The following RHPN2 variants were observed in gnomAD, a reference collection of about 807,000 sequenced individuals.
RHPN2 encodes the protein rhophilin-2.
RHPN2 carries 40 observed loss-of-function variants against 79.0 expected under a neutral mutation model. The ratio of observed to expected loss-of-function variants is 0.51; its 90% confidence interval spans 0.39 to 0.66. The LOEUF is 0.66. Ranked by LOEUF, RHPN2 falls within the 30% of genes least tolerant of loss-of-function variation. The pLI, the probability that RHPN2 is intolerant of heterozygous loss-of-function variation, is 0.00. For synonymous variants in RHPN2, 285 were observed against 363.5 expected (o/e 0.78, Z 2.46); for missense variants, 686 against 883.5 (o/e 0.78, Z 2.83).
chr19:33,038,154 A>T (rs1297853366), intron 2 of RHPN2, among the ~76,000 whole-genome samples: 1 of 152,092 alleles, frequency 6.6e-6, no homozygotes. Context: ...GTTTGAGAAC[A>T]GCCTGGACAA....
chr19:33,058,363 CT>C (rs1972251320), intron 1 of RHPN2, among the ~76,000 whole-genome samples: 1 of 152,206 alleles, frequency 6.6e-6, no homozygotes, highest in South Asian at 2.1e-4. Context: ...TCCATAAATC[CT>C]TTTCGGATGA....
intron 1 of RHPN2, among the ~76,000 whole-genome samples, chr19:33,044,831 T>G (rs1599832599): frequency 6.6e-6 from 1 of 152,130 alleles, no homozygotes; most frequent in Non-Finnish European, 1.5e-5. Flanking sequence ...GTGCTGAAGG[T>G]TGCAGTGAGC....
At chr19:32,985,982 A>AT (rs1434458635) in intron 14 of RHPN2, among the ~76,000 whole-genome samples, 2 of 152,236 alleles carry the variant, frequency 1.3e-5, no homozygotes, top group African/African-American at 4.8e-5. Flanking sequence ...GGTGAAAAGA[A>AT]TAAACATCAT....
intron 11 of RHPN2, among the ~76,000 whole-genome samples, chr19:32,994,417 G>A (rs561052843): frequency 2.0e-5 from 3 of 151,560 alleles, no homozygotes; most frequent in Non-Finnish European, 4.4e-5. Context: ...TGATCCTTGG[G>A]AAGGAGACAG....
chr19:33,037,281 G>C (rs182636082), intron 2 of RHPN2, among the ~76,000 whole-genome samples: 1 of 152,150 alleles, frequency 6.6e-6, no homozygotes, highest in Non-Finnish European at 1.5e-5. Flanking sequence ...AGCTCATCTG[G>C]TGGGGACATG....
At chr19:33,038,624 G>C (rs1972076662) in intron 2 of RHPN2, among the ~76,000 whole-genome samples, 1 of 151,736 alleles carries the variant, frequency 6.6e-6, no homozygotes, top group Non-Finnish European at 1.5e-5. Context: ...AAGTAGCTGG[G>C]ATTACAGGCG....
In RHPN2 at chr19:32,996,035, T is replaced by C. The variant is rs148949148; in HGVS notation, c.1411A>G (p.Ser471Gly). The change falls in exon 11 of 15, where the codon AGT (serine) becomes GGT (glycine). Residue 471 changes from serine to glycine, a missense_variant. Transcript: ENST00000254260. ...DDLLNLIDAP[S>G]VVAKTEQEVD... is the part of the protein sequence containing the mutation. The stretch of plus-strand genomic sequence containing the variant: ...AGTCTAGGCTACTCACCAACAACAC[T>C]GGGGGCGTCGATCAGGTTCAGCAGG... 2,453 of 1,613,848 alleles carry C rather than the reference T, an allele frequency of 1.5e-3. 26 individuals are homozygous for C. In the African/African-American group the frequency reaches 0.026, roughly 17 times the overall value.
chr19:33,023,304 G>A (rs1275925628), intron 3 of RHPN2, among the ~76,000 whole-genome samples: 1 of 151,736 alleles, frequency 6.6e-6, no homozygotes, highest in African/African-American at 2.4e-5. Flanking sequence ...GCATGGTGAT[G>A]TGTGCCTGTA....
At chr19:33,007,114 T>A (rs139824758) in intron 7 of RHPN2, among the ~76,000 whole-genome samples, 11,720 of 152,102 alleles carry the variant, frequency 0.077, 534 homozygotes, top group African/African-American at 0.15. Flanking sequence ...CTATGAGACA[T>A]CCTTTGAATG....
At chr19:33,000,262 C>A (rs1389880377) in intron 9 of RHPN2, among the ~76,000 whole-genome samples, 7 of 151,236 alleles carry the variant, frequency 4.6e-5, no homozygotes, top group Admixed American at 4.6e-4. Flanking sequence ...GCTCTGTCAC[C>A]CAGGCTTGGG....
chr19:33,021,462 T>C, intron 4 of RHPN2, 109 bp downstream of exon 4: 2 of 868,450 alleles, frequency 2.3e-6, no homozygotes, highest in East Asian at 2.5e-5. Flanking sequence ...GCTCAAGCGA[T>C]CCTCTTGCCT....
At chr19:33,056,877 A>T (rs1227795361) in intron 1 of RHPN2, among the ~76,000 whole-genome samples, 2 of 150,830 alleles carry the variant, frequency 1.3e-5, no homozygotes, top group Non-Finnish European at 2.9e-5. Context: ...TGGGAAGCCG[A>T]GGCGGGCAGA....
chr19:33,048,333 G>T (rs1325384402), intron 1 of RHPN2, among the ~76,000 whole-genome samples: 1 of 151,808 alleles, frequency 6.6e-6, no homozygotes, highest in Non-Finnish European at 1.5e-5. Flanking sequence ...TGGGATTACA[G>T]GCATGAGCCA....
chr19:33,054,891 T>C (rs1023547385), intron 1 of RHPN2, among the ~76,000 whole-genome samples: 1 of 152,202 alleles, frequency 6.6e-6, no homozygotes. Flanking sequence ...TTGTCTCTCC[T>C]CTGAGTCACC....
chr19:33,039,911 A>T (rs929470231), intron 2 of RHPN2, among the ~76,000 whole-genome samples: 1 of 152,046 alleles, frequency 6.6e-6, no homozygotes, highest in African/African-American at 2.4e-5. Flanking sequence ...CTGGAAAAAA[A>T]AAAAATTAGA....
intron 14 of RHPN2, among the ~76,000 whole-genome samples, chr19:32,987,659 C>T (rs112969857): frequency 6.6e-6 from 1 of 152,090 alleles, no homozygotes; most frequent in Non-Finnish European, 1.5e-5. Context: ...TCAGCCCTAG[C>T]CCCCTTGCAG....
chr19:33,022,226 G>A (rs1971930568), intron 3 of RHPN2, among the ~76,000 whole-genome samples: 1 of 152,190 alleles, frequency 6.6e-6, no homozygotes, highest in Non-Finnish European at 1.5e-5. Context: ...GGGATGACGG[G>A]CGTGAGCCTC....
At chr19:32,983,016 T>G (rs1176954145) in intron 14 of RHPN2, among the ~76,000 whole-genome samples, 1 of 130,332 alleles carries the variant, frequency 7.7e-6, no homozygotes, top group African/African-American at 2.9e-5. Flanking sequence ...CTGGATCCCA[T>G]TCCCTCTCTC....
chr19:33,037,562 C>T (rs1349263656), intron 2 of RHPN2, among the ~76,000 whole-genome samples: 1 of 152,202 alleles, frequency 6.6e-6, no homozygotes, highest in Non-Finnish European at 1.5e-5. Flanking sequence ...CGAAGGTCTG[C>T]AGCTTCACTC....
Sources: gnomAD v4.1 joint callset for allele counts (sites outside exome capture counted in the v4.1 genomes callset) on GRCh38, gnomAD v4.1.1 for gene constraint, MANE v1.5 for transcripts, NCBI Gene and HGNC (gene_info 2026-07-23, HGNC 2026-07-21) for gene names.